EPHA6: variants seen among roughly 807,000 people sequenced by gnomAD.
EPHA6 encodes ephrin type-A receptor 6.
Under a neutral mutation model 112.0 loss-of-function variants are expected in EPHA6, and 50 were observed. The ratio of observed to expected loss-of-function variants is 0.45; its 90% CI spans 0.36 to 0.56. The LOEUF is 0.56. Ranked by LOEUF, EPHA6 falls within the 20% of genes least tolerant of loss-of-function variation. The probability of loss-of-function intolerance (pLI) is 0.00; values close to 1 mark genes in which losing one functional copy is unlikely to be tolerated. For synonymous variants in EPHA6, 529 were observed against 490.7 expected (o/e 1.08, Z -1.03); for missense variants, 1,280 against 1,417.4 (o/e 0.90, Z 1.56).
At chr3:97,348,769 G>A (rs965524418) in intron 5 of EPHA6, among the ~76,000 whole-genome samples, 2 of 151,946 alleles carry the variant, frequency 1.3e-5, no homozygotes, top group Non-Finnish European at 2.9e-5. Context: ...TAGGTCATGG[G>A]GCAGGATAGT....
At chr3:97,031,979 T>C (rs1012166767) in intron 3 of EPHA6, among the ~76,000 whole-genome samples, 2 of 152,144 alleles carry the variant, frequency 1.3e-5, no homozygotes, top group Non-Finnish European at 2.9e-5. Context: ...ATTATGCTGC[T>C]ATAAAGACAC....
intron 15 of EPHA6, among the ~76,000 whole-genome samples, chr3:97,721,288 A>G (rs2034515731): frequency 6.6e-6 from 1 of 152,212 alleles, no homozygotes. Context: ...AACACAACTT[A>G]AGCAACCCAC....
chr3:97,410,274 C>A (rs2087630733), intron 6 of EPHA6, among the ~76,000 whole-genome samples: 1 of 151,946 alleles, frequency 6.6e-6, no homozygotes, highest in African/African-American at 2.4e-5. Flanking sequence ...GATAGATAAT[C>A]AGTAACATGC....
chr3:97,689,956 C>T (rs1208122620), intron 14 of EPHA6, among the ~76,000 whole-genome samples: 1 of 152,204 alleles, frequency 6.6e-6, no homozygotes, highest in Non-Finnish European at 1.5e-5. Context: ...TAGCATGTAT[C>T]AATACTTCAT....
intron 6 of EPHA6, among the ~76,000 whole-genome samples, chr3:97,425,596 A>T (rs2089049255): frequency 6.6e-6 from 1 of 152,324 alleles, no homozygotes; most frequent in Non-Finnish European, 1.5e-5. Flanking sequence ...CTGTGATGAG[A>T]GGGACTGCCG....
chr3:97,342,881 C>T (rs540522533), intron 5 of EPHA6, among the ~76,000 whole-genome samples: 1 of 152,250 alleles, frequency 6.6e-6, no homozygotes, highest in South Asian at 2.1e-4. Flanking sequence ...GTTTAAGCCA[C>T]CCAGTATATA....
intron 1 of EPHA6, among the ~76,000 whole-genome samples, chr3:96,845,868 G>T (rs2107346418): frequency 6.6e-6 from 1 of 152,054 alleles, no homozygotes; most frequent in African/African-American, 2.4e-5. Context: ...AGCTAATCTT[G>T]TCATGAGTAG....
chr3:96,987,609 A>T lies in EPHA6; in HGVS notation c.730A>T (p.Thr244Ser). 2 of 1,613,268 alleles carry T rather than the reference A, an allele frequency of 1.2e-6. No homozygotes were observed. The highest frequency in any genetic ancestry group is 1.7e-6 in the Non-Finnish European group (2 of 1,179,260). Residue 244 changes from threonine (T) to serine (S), a missense_variant, in exon 3 of 18, where the codon ACA (threonine) becomes TCA (serine). By Grantham distance (58) the Thr-to-Ser change is moderately conservative (BLOSUM62 1). This residue lies in a region of EPHA6 where 878 missense variants were observed against 999.7 expected (regional missense o/e 0.88). Transcript: ENST00000389672. The stretch of plus-strand genomic sequence containing the variant: ...GCCAAACCAGTATACAAAGATCGAC[A>T]CAATTGCTGCTGATGAGAGTTTTAC... Reference protein sequence around the residue: ...FKPNQYTKIDTIAADESFTQM... With the variant: ...FKPNQYTKIDSIAADESFTQM...
At chr3:97,370,278 A>T (rs769400002) in intron 5 of EPHA6, among the ~76,000 whole-genome samples, 8 of 152,178 alleles carry the variant, frequency 5.3e-5, no homozygotes, top group Non-Finnish European at 1.0e-4. Flanking sequence ...TTGCTTCTTC[A>T]TTCATTCATT....
chr3:97,566,627 T>C (rs913054495), intron 11 of EPHA6, among the ~76,000 whole-genome samples: 1 of 152,188 alleles, frequency 6.6e-6, no homozygotes, highest in African/African-American at 2.4e-5. Flanking sequence ...ACCCAAGTCA[T>C]GCTCTCTTAA....
chr3:97,380,336 G>A (rs2085652716), intron 5 of EPHA6, among the ~76,000 whole-genome samples: 1 of 152,102 alleles, frequency 6.6e-6, no homozygotes, highest in Admixed American at 6.6e-5. Context: ...AAAACTAAAA[G>A]ATGTTCCCTG....
At chr3:97,579,592 G>A (rs538971960) in intron 11 of EPHA6, among the ~76,000 whole-genome samples, 27 of 152,284 alleles carry the variant, frequency 1.8e-4, no homozygotes, top group Non-Finnish European at 3.4e-4. Flanking sequence ...GTCATAGGGT[G>A]ATTCATATGA....
chr3:97,303,087 C>G (rs2081162702), intron 5 of EPHA6, among the ~76,000 whole-genome samples: 1 of 151,752 alleles, frequency 6.6e-6, no homozygotes, highest in African/African-American at 2.4e-5. Flanking sequence ...CTAAAGAAAA[C>G]TCTTCTAATT....
intron 3 of EPHA6, among the ~76,000 whole-genome samples, chr3:97,038,886 AG>A (rs1291191777): frequency 6.6e-6 from 1 of 152,062 alleles, no homozygotes; most frequent in East Asian, 1.9e-4. Flanking sequence ...CTGTGTGTTC[AG>A]AGTTTTTTCA....
At chr3:97,280,480 T>G in intron 5 of EPHA6, among the ~76,000 whole-genome samples, 1 of 152,174 alleles carries the variant, frequency 6.6e-6, no homozygotes, top group East Asian at 1.9e-4. Context: ...TAATTGTGTC[T>G]CAGCCTTTAC....
intron 3 of EPHA6, among the ~76,000 whole-genome samples, chr3:97,130,686 T>G (rs2048313735): frequency 6.6e-6 from 1 of 152,172 alleles, no homozygotes; most frequent in South Asian, 2.1e-4. Flanking sequence ...CCTGCCAATA[T>G]GCATATTAAT....
intron 5 of EPHA6, among the ~76,000 whole-genome samples, chr3:97,360,721 C>T (rs944857143): frequency 1.3e-5 from 2 of 152,076 alleles, no homozygotes; most frequent in Non-Finnish European, 2.9e-5. Context: ...AAATAAGATG[C>T]ATTTAGAAGA....
intron 11 of EPHA6, among the ~76,000 whole-genome samples, chr3:97,538,251 C>G (rs1457376362): frequency 1.3e-5 from 2 of 152,128 alleles, no homozygotes; most frequent in Non-Finnish European, 2.9e-5. Context: ...GGGATAGATT[C>G]TAGATCTACT....
chr3:96,815,091 T>G, intron 1 of EPHA6, 83 bp downstream of exon 1: 3 of 1,343,380 alleles, frequency 2.2e-6, no homozygotes, highest in Non-Finnish European at 3.0e-6. Flanking sequence ...CTCCTGCAGG[T>G]AACTTTGTAC....
Sources: allele counts gnomAD v4.1 joint callset (sites outside exome capture counted in the v4.1 genomes callset), GRCh38; gene constraint gnomAD v4.1.1; regional missense constraint gnomAD v4.1.1; transcripts MANE v1.5; gene names NCBI Gene and HGNC (gene_info 2026-07-23, HGNC 2026-07-21).